The following CAPN2 variants were observed in gnomAD, a reference collection of about 807,000 sequenced individuals.
The protein encoded by CAPN2 is calpain-2 catalytic subunit.
Under a neutral mutation model 102.3 loss-of-function variants are expected in CAPN2, and 92 were observed. The ratio of observed to expected loss-of-function variants is 0.90; its 90% CI spans 0.76 to 1.07. The LOEUF (loss-of-function observed/expected upper bound fraction) is 1.07, where lower values mean the gene tolerates loss of function less well. CAPN2 is among the 50% of genes least tolerant of loss of function. The probability of loss-of-function intolerance (pLI) is 0.00; values close to 1 mark genes in which losing one functional copy is unlikely to be tolerated. For synonymous variants in CAPN2, 340 were observed against 355.4 expected (o/e 0.96, Z 0.49); for missense variants, 800 against 909.4 (o/e 0.88, Z 1.55).
At chr1:223,718,958 G>T (rs1175650367) in intron 2 of CAPN2, among the ~76,000 whole-genome samples, 1 of 152,152 alleles carries the variant, frequency 6.6e-6, no homozygotes, top group Non-Finnish European at 1.5e-5. Flanking sequence ...AAATTTTCTA[G>T]CCCTGAGGAA....
At chr1:223,733,959 C>CGGTCCCAACTGCAGACTG (rs1455662326) in intron 2 of CAPN2, among the ~76,000 whole-genome samples, 1 of 152,112 alleles carries the variant, frequency 6.6e-6, no homozygotes. Context: ...GGGAGAGAAA[C>CGGTCCCAACTGCAGACTG]GGTCCCAACT....
At position 223,755,522 on chromosome 1, in the gene CAPN2, A is replaced by T. The variant is rs1661011409; in HGVS notation, c.1178A>T (p.Glu393Val). The T allele has an allele frequency of 3.7e-6, 6 of 1,613,784 alleles. No homozygotes were observed. The highest frequency in any genetic ancestry group is 5.1e-6 in the Non-Finnish European group (6 of 1,179,996). Residue 393 changes from glutamate (E) to valine (V), a missense_variant, in exon 10 of 21, where the codon GAG becomes GTG. Physicochemically the swap from Glu to Val is moderately radical, Grantham distance 121 (BLOSUM62 -2). Transcript: ENST00000295006. This position sits in a 1 kb window ranked among gnomAD's most constrained non-coding sequence, Gnocchi z 4.1. ...CCTCAGTACCTGATCAAGCTGGAGG[A>T]GGAGGATGAGGACGAGGAGGATGGG... ...MNPQYLIKLE[E>V]EDEDEEDGES...
chr1:223,736,109 C>A (rs374523680), intron 2 of CAPN2, among the ~76,000 whole-genome samples: 25 of 152,280 alleles, frequency 1.6e-4, no homozygotes, highest in African/African-American at 5.3e-4. Context: ...AAGTGACCAG[C>A]ACCCCTGCCC....
chr1:223,755,404 C>A lies in CAPN2; in HGVS notation c.1136-76C>A. On this transcript the variant is annotated intron_variant, in intron 9 of 20. Transcript: ENST00000295006. This position sits in a 1 kb window ranked among gnomAD's most constrained non-coding sequence, Gnocchi z 4.1. ...TCCATCCCTCTCAGAAGCCTCCAAGCCTGAGACCAGGGCCACCCCCCACCC... is the reference window on the plus strand; with the variant it reads ...TCCATCCCTCTCAGAAGCCTCCAAGACTGAGACCAGGGCCACCCCCCACCC... 2 of 1,490,436 alleles carry A rather than the reference C, an allele frequency of 1.3e-6. No homozygotes were observed. Among genetic ancestry groups the A allele is most frequent in the Non-Finnish European group, 1.9e-6 (2 of 1,080,744 alleles). The allele number at this position is 1,490,436 out of a possible 1,614,324, so 92.3% of individuals were successfully genotyped here. A position where few individuals can be genotyped will look rare whatever the true frequency, so the allele number is the denominator to read the frequency against.
rs978580559 is a variant in CAPN2, at chr1:223,731,210, T to C, written c.308-12890T>C. Among the ~76,000 whole-genome samples, 7 of 152,100 alleles carry C rather than the reference T, an allele frequency of 4.6e-5. No homozygotes were observed. Among genetic ancestry groups the C allele is most frequent in the African/African-American group, 1.7e-4 (7 of 41,396 alleles). On this transcript the variant is annotated intron_variant, in intron 2 of 20. Coordinates refer to ENST00000295006, the MANE Select transcript of CAPN2 (RefSeq NM_001748.5). This position sits in a 1 kb window ranked among gnomAD's most constrained non-coding sequence, Gnocchi z 4.2. ...CATTCTGAAAAAGGCAAATATTTTA[T>C]TATGCTTGGAGGGTCTGGTGCAGAA...
rs772461680 is a variant in CAPN2, at chr1:223,766,383, A to C, written c.1707A>C (p.Ser569=). ...RVLAKRQDIK[S]DGFSIETCKI... ...GTCTTTTAGGCCAAGATATCAAGTC[A>C]GATGGCTTCAGCATCGAGACATGCA... The change falls in exon 16 of 21, where the codon TCA becomes TCC. Residue 569 remains serine (S), a synonymous_variant. Transcript: ENST00000295006. 1 of 1,613,878 alleles carries C rather than the reference A, an allele frequency of 6.2e-7. No homozygotes were observed. The highest frequency in any genetic ancestry group is 8.5e-7 in the Non-Finnish European group (1 of 1,179,692).
Position 223,727,503 on chromosome 1 carries a change from T to G in CAPN2, c.307+9672T>G, listed in dbSNP as rs1660229109. Among the ~76,000 whole-genome samples the G allele has an allele frequency of 1.3e-5, 2 of 149,608 alleles. No homozygotes were observed. Among genetic ancestry groups the G allele is most frequent in the African/African-American group, 2.5e-5 (1 of 40,524 alleles). On this transcript the variant is annotated intron_variant, in intron 2 of 20. Transcript: ENST00000295006. This position sits in a 1 kb window ranked among gnomAD's most constrained non-coding sequence, Gnocchi z 4.1. ...TTGAGAACCACTGGCAGAGCAGGAG[T>G]GAAGGGGGAGGTACTGTGGGGGTCA...
intron 1 of CAPN2, among the ~76,000 whole-genome samples, chr1:223,715,647 G>A (rs959213738): frequency 6.6e-6 from 1 of 152,174 alleles, no homozygotes; most frequent in African/African-American, 2.4e-5. Context: ...CAGGGGTACA[G>A]TGAGGAGAAA....
chr1:223,766,638 C>G (rs905449972), intron 16 of CAPN2, among the ~76,000 whole-genome samples: 8 of 152,180 alleles, frequency 5.3e-5, no homozygotes, highest in East Asian at 1.9e-4. Flanking sequence ...GCTACACCCC[C>G]CCTCCCACCT....
At chr1:223,734,648 C>CCTGG (rs927986013) in intron 2 of CAPN2, among the ~76,000 whole-genome samples, 2 of 152,132 alleles carry the variant, frequency 1.3e-5, no homozygotes, top group African/African-American at 4.8e-5. Context: ...CCTTGGCAAC[C>CCTGG]CTGGCACCCT....
intron 16 of CAPN2, among the ~76,000 whole-genome samples, chr1:223,768,944 A>G (rs1661402470): frequency 6.6e-6 from 1 of 152,098 alleles, no homozygotes; most frequent in African/African-American, 2.4e-5. Flanking sequence ...TGATTTAGAT[A>G]AGGGCTACTT....
intron 1 of CAPN2, among the ~76,000 whole-genome samples, chr1:223,702,689 C>T (rs1302514447): frequency 3.3e-5 from 5 of 152,120 alleles, no homozygotes; most frequent in Non-Finnish European, 1.5e-5. Context: ...GCAGCCCGGC[C>T]AGTGGAAGTG....
chr1:223,706,358 C>A (rs1320316236), intron 1 of CAPN2, among the ~76,000 whole-genome samples: 1 of 152,192 alleles, frequency 6.6e-6, no homozygotes, highest in Non-Finnish European at 1.5e-5. Context: ...AAAGAATAAA[C>A]CCTGCAGCTG....
chr1:223,706,309 C>G (rs1478492313), intron 1 of CAPN2, among the ~76,000 whole-genome samples: 1 of 152,206 alleles, frequency 6.6e-6, no homozygotes, highest in Non-Finnish European at 1.5e-5. Flanking sequence ...TGAGTGGCAT[C>G]TAACAGGCCT....
intron 15 of CAPN2, among the ~76,000 whole-genome samples, chr1:223,765,567 T>A (rs539010911): frequency 3.3e-5 from 5 of 152,320 alleles, no homozygotes; most frequent in Admixed American, 2.6e-4. Flanking sequence ...TTCAGCCCGC[T>A]CCTTGCTGGG....
intron 2 of CAPN2, among the ~76,000 whole-genome samples, chr1:223,719,831 T>TGTGTGC (rs1491465648): frequency 6.7e-4 from 65 of 96,788 alleles, no homozygotes; most frequent in Non-Finnish European, 1.2e-3. Flanking sequence ...TGTGTGTGTG[T>TGTGTGC]GCGCGCGCGC....
intron 2 of CAPN2, among the ~76,000 whole-genome samples, chr1:223,743,087 C>T (rs1456857094): frequency 6.6e-6 from 1 of 152,164 alleles, no homozygotes; most frequent in Non-Finnish European, 1.5e-5. Context: ...ATTGTGGTGC[C>T]TGCTGTGCTG....
chr1:223,749,403 A>G, intron 6 of CAPN2: 1 of 540,200 alleles, frequency 1.9e-6, no homozygotes, highest in Non-Finnish European at 3.3e-6. Context: ...CAACCTTACT[A>G]TTTTGATAAG....
intron 7 of CAPN2, 46 bp downstream of exon 7, chr1:223,751,021 G>A: frequency 7.0e-7 from 1 of 1,429,594 alleles, no homozygotes; most frequent in Non-Finnish European, 9.7e-7. Flanking sequence ...GGTGCATTGT[G>A]CTGGGAGGCT....
Sources: allele counts gnomAD v4.1 joint callset (sites outside exome capture counted in the v4.1 genomes callset), GRCh38; gene constraint gnomAD v4.1.1; non-coding constraint Gnocchi (gnomAD v3.1); transcripts MANE v1.5; gene names NCBI Gene and HGNC (gene_info 2026-07-23, HGNC 2026-07-21).